Variants in SYT1 observed in about 807,000 individuals in gnomAD.
The protein encoded by SYT1 is synaptotagmin-1.
A neutral mutation model predicts 44.8 loss-of-function variants in SYT1; 8 were observed. That is an observed-to-expected ratio of 0.18 (90% CI 0.10 to 0.32). SYT1 has a LOEUF of 0.32. SYT1 is among the 10% of genes least tolerant of loss of function. The probability of loss-of-function intolerance (pLI) is 1.00; values close to 1 mark genes in which losing one functional copy is unlikely to be tolerated. For missense variants in SYT1, 286 were observed against 509.3 expected (o/e 0.56, Z 4.22); for synonymous variants, 154 against 188.8 (o/e 0.82, Z 1.51).
chr12:79,282,435 T>C (rs1879099240), intron 4 of SYT1, among the ~76,000 whole-genome samples: 1 of 152,148 alleles, frequency 6.6e-6, no homozygotes, highest in Admixed American at 6.5e-5. Flanking sequence ...TTTATACTAG[T>C]CAATTATTTT....
intron 8 of SYT1, among the ~76,000 whole-genome samples, chr12:79,316,451 A>G (rs575922770): frequency 1.7e-4 from 26 of 152,344 alleles, no homozygotes; most frequent in Non-Finnish European, 3.2e-4. Flanking sequence ...AAGCTGTTGT[A>G]CAGCTTTCTG....
At chr12:78,929,311 A>G (rs1308635315) in intron 1 of SYT1, among the ~76,000 whole-genome samples, 1 of 146,618 alleles carries the variant, frequency 6.8e-6, no homozygotes, top group Non-Finnish European at 1.5e-5. Context: ...CTGAGGCAGG[A>G]GAATTGCTTG....
intron 3 of SYT1, among the ~76,000 whole-genome samples, chr12:79,168,799 G>T (rs558000721): frequency 1.1e-4 from 17 of 151,958 alleles, no homozygotes; most frequent in Non-Finnish European, 2.2e-4. Flanking sequence ...TTATCTATAG[G>T]TTTGCCTTAA....
intron 3 of SYT1, among the ~76,000 whole-genome samples, chr12:79,069,284 A>G (rs1265974371): frequency 6.6e-6 from 1 of 152,186 alleles, no homozygotes; most frequent in Non-Finnish European, 1.5e-5. Context: ...ACTTAAATCC[A>G]TAAGTAGACA....
rs74702309 is a variant in SYT1 at position 79,086,994 on chromosome 12, G to C, written c.-18+39632G>C. ...CTGACAAGCTTGAAATAGCCTGATA[G>C]GATTGAACTAAAGTATAAAAAACCA... On this transcript the variant is annotated intron_variant, in intron 3 of 10. Transcript: ENST00000261205. Among the ~76,000 whole-genome samples the C allele has an allele frequency of 6.9e-3, 1,046 of 152,154 alleles. 39 individuals carry two copies. In the East Asian group the frequency reaches 0.12, roughly 18 times the overall value.
At position 78,933,929 on chromosome 12, in the gene SYT1, A is replaced by G. The variant is rs539935411; in HGVS notation, c.-216-43870A>G. On this transcript the variant is annotated intron_variant, in intron 1 of 10. Coordinates refer to ENST00000261205, the MANE Select transcript of SYT1 (RefSeq NM_005639.3). ...GTTTGGTTATTTCCAGAAACATAGG[A>G]ATCTCAGTAGGAGAAATTGAGTATA... Among the ~76,000 whole-genome samples the G allele has an allele frequency of 8.5e-5, 13 of 152,196 alleles. No homozygotes were observed. The East Asian group carries it at 2.3e-3, about 27-fold the overall frequency.
intron 3 of SYT1, among the ~76,000 whole-genome samples, chr12:79,050,102 T>A (rs1874363096): frequency 6.6e-6 from 1 of 152,092 alleles, no homozygotes; most frequent in Non-Finnish European, 1.5e-5. Context: ...TACTGTTGAC[T>A]GGATGTTATC....
chr12:78,931,179 A>AAGAAAAAGAAAG (rs1555181905), intron 1 of SYT1, among the ~76,000 whole-genome samples: 9 of 59,866 alleles, frequency 1.5e-4, no homozygotes, highest in African/African-American at 7.0e-4. Flanking sequence ...GAAAGAAAGA[A>AAGAAAAAGAAAG]AAAGAAAGAA....
chr12:78,917,089 G>A (rs1876697160), intron 1 of SYT1, among the ~76,000 whole-genome samples: 1 of 151,882 alleles, frequency 6.6e-6, no homozygotes, highest in African/African-American at 2.4e-5. Context: ...ACCATGCAGA[G>A]CTATTTTTTT....
chr12:79,263,071 T>G (rs1877921285), intron 4 of SYT1, among the ~76,000 whole-genome samples: 3 of 152,208 alleles, frequency 2.0e-5, no homozygotes, highest in African/African-American at 7.2e-5. Flanking sequence ...CAGAATGCAT[T>G]CCTAATTTTC....
chr12:79,159,587 C>T (rs1023120207), intron 3 of SYT1, among the ~76,000 whole-genome samples: 3 of 152,000 alleles, frequency 2.0e-5, no homozygotes, highest in Admixed American at 6.6e-5. Context: ...CTAATTTATA[C>T]GTTAAACTTT....
At chr12:79,417,142 C>A (rs1868791377) in intron 9 of SYT1, among the ~76,000 whole-genome samples, 1 of 152,096 alleles carries the variant, frequency 6.6e-6, no homozygotes, top group Non-Finnish European at 1.5e-5. Flanking sequence ...GTCTTCCCTG[C>A]TTTTACAATT....
intron 4 of SYT1, among the ~76,000 whole-genome samples, chr12:79,221,771 CTAT>C (rs1861987923): frequency 1.3e-5 from 2 of 151,984 alleles, no homozygotes; most frequent in Admixed American, 6.6e-5. Context: ...ATTATTGTGG[CTAT>C]TATTATTTTT....
At chr12:79,298,129 T>C (rs1435832587) in intron 7 of SYT1, among the ~76,000 whole-genome samples, 1 of 152,124 alleles carries the variant, frequency 6.6e-6, no homozygotes, top group Admixed American at 6.6e-5. Flanking sequence ...GTCCAGGTTT[T>C]TGACTGTTGC....
At chr12:79,268,974 T>C in intron 4 of SYT1, among the ~76,000 whole-genome samples, 1 of 152,046 alleles carries the variant, frequency 6.6e-6, no homozygotes, top group Non-Finnish European at 1.5e-5. Context: ...AAAGAAACGG[T>C]GTCTTCCAAA....
chr12:78,869,141 C>A (rs1366368695), intron 1 of SYT1, among the ~76,000 whole-genome samples: 1 of 151,856 alleles, frequency 6.6e-6, no homozygotes, highest in South Asian at 2.1e-4. Context: ...TTTTTTCAGT[C>A]TTTTTGCAAA....
At chr12:79,018,399 G>A (rs1044001914) in intron 2 of SYT1, among the ~76,000 whole-genome samples, 2 of 151,830 alleles carry the variant, frequency 1.3e-5, no homozygotes, top group South Asian at 2.1e-4. Flanking sequence ...TGCTAAACAC[G>A]AGTTAATGGG....
chr12:78,901,948 A>G (rs1412846671), intron 1 of SYT1, among the ~76,000 whole-genome samples: 1 of 151,818 alleles, frequency 6.6e-6, no homozygotes, highest in Non-Finnish European at 1.5e-5. Flanking sequence ...AGAAAACCAA[A>G]CACTGCATAT....
intron 8 of SYT1, 125 bp from the exon 9 acceptor site, chr12:79,353,377 T>G: frequency 1.4e-6 from 1 of 712,442 alleles, no homozygotes; most frequent in South Asian, 1.8e-5. Context: ...TAAATGCCAA[T>G]GGACCTACAA....
Sources: gnomAD v4.1 joint callset for allele counts (sites outside exome capture counted in the v4.1 genomes callset) on GRCh38, gnomAD v4.1.1 for gene constraint, MANE v1.5 for transcripts, NCBI Gene and HGNC (gene_info 2026-07-23, HGNC 2026-07-21) for gene names.